The following TRPV3 variants were observed in gnomAD, a reference collection of about 807,000 sequenced individuals.
The protein encoded by TRPV3 is VRL-3.
Under a neutral mutation model 87.1 loss-of-function variants are expected in TRPV3, and 88 were observed. The observed-to-expected ratio is 1.01, with a 90% CI of 0.85 to 1.21. The LOEUF is 1.21. Among genes scored for constraint, TRPV3 ranks in the 50% most tolerant of loss-of-function variants. TRPV3 has a pLI of 0.00. For missense variants in TRPV3, 1,054 were observed against 1,030.1 expected, an observed-to-expected ratio of 1.02 and a Z score of -0.32; for synonymous variants, 438 against 423.3, an observed-to-expected ratio of 1.03 and a Z score of -0.43.
chr17:3,536,612 A>G lies in TRPV3; in HGVS notation c.644-899T>C, dbSNP rs144387418. Among the ~76,000 whole-genome samples the G allele has an allele frequency of 1.9e-3, 286 of 152,240 alleles. 1 individual carries two copies. Among genetic ancestry groups the G allele is most frequent in the Admixed American group, 3.4e-3 (52 of 15,282 alleles). On this transcript the variant is annotated intron_variant, in intron 6 of 17. Transcript: ENST00000576742. ...TCAAAAAACAAACAAACAAACAAAA[A>G]AATGATGAGGCCTGGACTAAGGGGA...
intron 6 of TRPV3, chr17:3,539,785 C>A (rs929579882): frequency 6.6e-6 from 1 of 152,066 alleles, no homozygotes; most frequent in South Asian, 2.1e-4. Context: ...ATAAAAATGT[C>A]TTAATTGAAG....
Position 3,519,739 on chromosome 17 carries a change from TGG to T in TRPV3, c.1811-891_1811-890del, listed in dbSNP as rs1189358346. Among the ~76,000 whole-genome samples, 127 of 148,310 alleles carry T rather than the reference TGG, an allele frequency of 8.6e-4. 2 individuals carry two copies. The highest frequency in any genetic ancestry group is 6.4e-3 in the East Asian group (31 of 4,842). On this transcript the variant is annotated intron_variant, in intron 14 of 17. Coordinates refer to ENST00000576742, the MANE Select transcript of TRPV3 (RefSeq NM_145068.4). The stretch of plus-strand genomic sequence containing the variant: ...ATGGATGGATGGATGGATGGATGGA[TGG>T]ATGGATTGATGGATGAATGATTAGA...
intron 2 of TRPV3, among the ~76,000 whole-genome samples, chr17:3,549,645 G>A (rs1229724341): frequency 2.0e-5 from 3 of 152,120 alleles, no homozygotes. Context: ...TGAGGGATGG[G>A]TGGATGATGG....
chr17:3,518,868 G>T lies in TRPV3; in HGVS notation c.1811-18C>A, dbSNP rs2074207762. 1 of 1,606,220 alleles carries T rather than the reference G, an allele frequency of 6.2e-7. No homozygotes were observed. Among genetic ancestry groups the T allele is most frequent in the Admixed American group, 1.7e-5 (1 of 59,626 alleles). On this transcript the variant is annotated intron_variant, in intron 14 of 17. Coordinates refer to ENST00000576742, the MANE Select transcript of TRPV3 (RefSeq NM_145068.4). The surrounding 1 kb of genome is among the most constrained non-coding windows in gnomAD (Gnocchi z 4.3). Reference sequence around the variant, plus strand: ...GGCCAAGGCTAAGGGAACATAACAGGGTGCTCTCCTCAGCTCTCTGCCTGG... The same window carrying T: ...GGCCAAGGCTAAGGGAACATAACAGTGTGCTCTCCTCAGCTCTCTGCCTGG...
At chr17:3,516,705 A>C (rs2074186643) in intron 15 of TRPV3, 136 bp from the exon 16 acceptor site, 1 of 675,148 alleles carries the variant, frequency 1.5e-6, no homozygotes, top group East Asian at 2.8e-5. Flanking sequence ...GCTAATCTAC[A>C]GAATTCAAAG....
At chr17:3,546,057 G>A (rs1180933378) in intron 2 of TRPV3, among the ~76,000 whole-genome samples, 1 of 151,764 alleles carries the variant, frequency 6.6e-6, no homozygotes, top group Non-Finnish European at 1.5e-5. Context: ...CTTCGATTCT[G>A]CTTACTGAGC....
intron 14 of TRPV3, among the ~76,000 whole-genome samples, chr17:3,519,630 A>C (rs2074221223): frequency 9.3e-6 from 1 of 107,130 alleles, no homozygotes; most frequent in Non-Finnish European, 2.2e-5. Flanking sequence ...GGATGGATGG[A>C]TGATTAGATG....
At position 3,532,857 on chromosome 17, in the gene TRPV3, T is replaced by A; in HGVS notation, c.865A>T (p.Ile289Phe). ...QLLMEHEQTD[I>F]TSRDSRGNNI... ...TTGCCTCGTGAGTCCCGCGAGGTGA[T>A]GTCCGTCTGCTCGTGCTCCATCAGC... Residue 289 changes from isoleucine (I) to phenylalanine (F), a missense_variant, in exon 8 of 18, where the codon ATC (isoleucine) becomes TTC (phenylalanine). Transcript: ENST00000576742. 6.2e-7 allele frequency: 1 copy of A among 1,614,248 alleles called. No individual in the cohort carries two copies. Among genetic ancestry groups the A allele is most frequent in the Non-Finnish European group, 8.5e-7 (1 of 1,180,040 alleles).
intron 2 of TRPV3, among the ~76,000 whole-genome samples, chr17:3,549,847 TG>T (rs1234720937): frequency 6.6e-6 from 1 of 150,378 alleles, no homozygotes; most frequent in Non-Finnish European, 1.5e-5. Context: ...AGATGATTGA[TG>T]GGTGAATAAA....
At chr17:3,536,890 G>A (rs1164106229) in intron 6 of TRPV3, among the ~76,000 whole-genome samples, 1 of 152,100 alleles carries the variant, frequency 6.6e-6, no homozygotes, top group East Asian at 1.9e-4. Context: ...GAAGGGTCTC[G>A]AAATGCACCA....
Position 3,543,628 on chromosome 17 carries a change from A to G in TRPV3, c.312T>C (p.Ser104=). The G allele has an allele frequency of 1.2e-6, 2 of 1,613,914 alleles. No individual in the cohort carries two copies. The highest frequency in any genetic ancestry group is 1.7e-6 in the Non-Finnish European group (2 of 1,179,934). The change falls in exon 5 of 18, where the codon AGT becomes AGC. Residue 104 remains serine (S), a splice_region_variant and synonymous_variant. Transcript: ENST00000576742. ...TCTGCTCTTCCTTGGCCAGCTGTGC[A>G]CTGAAGCCAGAAAATGTTTCCAACT... is the stretch of plus-strand genomic sequence containing the variant. ...TETPSNPNSP[S]AQLAKEEQRR...
chr17:3,525,564 C>T (rs548694973), intron 12 of TRPV3, among the ~76,000 whole-genome samples: 5 of 151,954 alleles, frequency 3.3e-5, no homozygotes, highest in Non-Finnish European at 5.9e-5. Context: ...TTGATTTCTA[C>T]GCTTAAAAAA....
Position 3,556,412 on chromosome 17 carries a change from A to C in TRPV3, c.-3+1264T>G, listed in dbSNP as rs1448638596. On this transcript the variant is annotated intron_variant, in intron 1 of 17. Transcript: ENST00000576742. This position sits in a 1 kb window ranked among gnomAD's most constrained non-coding sequence, Gnocchi z 4.2. ...CCACAGAGGGATGACATGGGCGGGG[A>C]AAGGGCTGTGTGGACAGGTGGTGAC... Among the ~76,000 whole-genome samples, 1 of 151,418 alleles carries C rather than the reference A, an allele frequency of 6.6e-6. No homozygotes were observed. The highest frequency in any genetic ancestry group is 1.5e-5 in the Non-Finnish European group (1 of 67,872).
At chr17:3,531,194 G>T (rs1011917060) in intron 8 of TRPV3, among the ~76,000 whole-genome samples, 4 of 152,234 alleles carry the variant, frequency 2.6e-5, no homozygotes, top group Non-Finnish European at 5.9e-5. Flanking sequence ...GTGCAGGCTG[G>T]ACACAGAGCT....
intron 9 of TRPV3, among the ~76,000 whole-genome samples, chr17:3,529,585 G>GC (rs897664079): frequency 4.6e-5 from 7 of 152,052 alleles, no homozygotes; most frequent in Non-Finnish European, 8.8e-5. Context: ...CTCCAGGAAG[G>GC]CCCCCCGATT....
At chr17:3,521,110 T>TTGG in intron 13 of TRPV3, 71 bp from the exon 14 acceptor site, 4 of 667,458 alleles carry the variant, frequency 6.0e-6, no homozygotes, top group Non-Finnish European at 7.9e-6. Flanking sequence ...TCTTCCTGCT[T>TTGG]CCCACCCTCT....
At chr17:3,555,468 T>C (rs1597496606) in intron 1 of TRPV3, among the ~76,000 whole-genome samples, 1 of 151,978 alleles carries the variant, frequency 6.6e-6, no homozygotes, top group Admixed American at 6.6e-5. Context: ...ACCGATCATC[T>C]CCCCCGCCCA....
rs1211635435 is a variant in TRPV3, at chr17:3,556,111, A to G, written c.-2-1259T>C. Reference sequence around the variant, plus strand: ...AGAATCACTTGAATCCAGGAGGCAGAGGTTGGATTGAGCCGAGATTGTGCC... The same window carrying G: ...AGAATCACTTGAATCCAGGAGGCAGGGGTTGGATTGAGCCGAGATTGTGCC... On this transcript the variant is annotated intron_variant, in intron 1 of 17. Coordinates refer to ENST00000576742, the MANE Select transcript of TRPV3 (RefSeq NM_145068.4). The surrounding 1 kb of genome is among the most constrained non-coding windows in gnomAD (Gnocchi z 4.2). 6.6e-6 allele frequency among the ~76,000 whole-genome samples: 1 copy of G among 150,992 alleles called. No individual in the cohort carries two copies. Among genetic ancestry groups the G allele is most frequent in the Non-Finnish European group, 1.5e-5 (1 of 67,816 alleles).
rs1019207603 is a variant in TRPV3, at chr17:3,518,995, G to C, written c.1811-145C>G. ...ATCTCCAGTTTCAGGTCCTCTCAAA[G>C]CCTCATCAGGCTGGCTTCTCTGGCC... On this transcript the variant is annotated intron_variant, in intron 14 of 17. Transcript: ENST00000576742. This position sits in a 1 kb window ranked among gnomAD's most constrained non-coding sequence, Gnocchi z 4.3. 1.1e-6 allele frequency: 1 copy of C among 918,098 alleles called. No individual in the cohort carries two copies. The highest frequency in any genetic ancestry group is 1.6e-6 in the Non-Finnish European group (1 of 626,970). 56.9% of individuals were successfully genotyped at this position (918,098 alleles called of 1,614,324 possible). A position where few individuals can be genotyped will look rare whatever the true frequency, so the allele number is the denominator to read the frequency against.
Sources: allele counts gnomAD v4.1 joint callset (sites outside exome capture counted in the v4.1 genomes callset), GRCh38; gene constraint gnomAD v4.1.1; non-coding constraint Gnocchi (gnomAD v3.1); transcripts MANE v1.5; gene names NCBI Gene and HGNC (gene_info 2026-07-23, HGNC 2026-07-21).